Variants in PADI6 observed in about 807,000 individuals in gnomAD.
The protein encoded by PADI6 is inactive protein-arginine deiminase type-6.
Under a neutral mutation model 78.2 loss-of-function variants are expected in PADI6, and 66 were observed. That is an observed-to-expected ratio of 0.84 (90% CI 0.69 to 1.04). The LOEUF (loss-of-function observed/expected upper bound fraction) is 1.04, where lower values mean the gene tolerates loss of function less well. Among genes scored for constraint, PADI6 ranks in the 50% least tolerant of loss-of-function variants. The probability of loss-of-function intolerance (pLI) is 0.00; values close to 1 mark genes in which losing one functional copy is unlikely to be tolerated. For missense variants in PADI6, 854 were observed against 866.1 expected (o/e 0.99, Z 0.18); for synonymous variants, 397 against 346.9 (o/e 1.14, Z -1.60).
intron 14 of PADI6, among the ~76,000 whole-genome samples, chr1:17,397,884 G>A (rs923184333): frequency 2.0e-5 from 3 of 152,048 alleles, no homozygotes; most frequent in African/African-American, 4.8e-5. Context: ...TGAAGAAGCC[G>A]GCTCCTCACT....
Position 17,398,666 on chromosome 1 carries a change from A to ACCCCCCCCCCCCCC in PADI6, c.1690-17_1690-16insCCCCCCCCCCCCCC. The stretch of plus-strand genomic sequence containing the variant: ...TCCTTGCTCCCCCGCCCCCCCCCCC[A>ACCCCCCCCCCCCCC]CCCACCCACCCACCCACAGAAGTGC... On this transcript the variant is annotated intron_variant, in intron 14 of 15. Transcript: ENST00000619609. The ACCCCCCCCCCCCCC allele has an allele frequency of 1.1e-5, 1 of 91,180 alleles. No individual in the cohort carries two copies. Among genetic ancestry groups the ACCCCCCCCCCCCCC allele is most frequent in the Non-Finnish European group, 2.2e-5 (1 of 45,198 alleles). The allele number at this position is 91,180 out of a possible 1,614,324, so 5.6% of individuals were successfully genotyped here. A position where few individuals can be genotyped will look rare whatever the true frequency, so the allele number is the denominator to read the frequency against.
intron 6 of PADI6, among the ~76,000 whole-genome samples, chr1:17,383,538 C>T (rs568822914): frequency 4.6e-5 from 7 of 152,288 alleles, no homozygotes; most frequent in Admixed American, 2.6e-4. Flanking sequence ...AGCGAACTAC[C>T]GGTTTCTTTA....
At chr1:17,381,836 G>A in intron 5 of PADI6, 131 bp from the exon 6 acceptor site, 1 of 1,050,842 alleles carries the variant, frequency 9.5e-7, no homozygotes, top group South Asian at 1.4e-5. Flanking sequence ...CTTCGGGCCT[G>A]GGCCCTAGCA....
intron 8 of PADI6, among the ~76,000 whole-genome samples, chr1:17,391,649 C>T (rs2526837): frequency 0.3 from 45,345 of 151,928 alleles, 7,061 homozygotes; most frequent in Middle Eastern, 0.41. Flanking sequence ...ACCCACCCAA[C>T]GCCACACATA....
intron 14 of PADI6, among the ~76,000 whole-genome samples, chr1:17,398,181 C>G (rs1431580354): frequency 6.6e-6 from 1 of 152,192 alleles, no homozygotes; most frequent in African/African-American, 2.4e-5. Flanking sequence ...ATGTTCTATG[C>G]CCCGCACAGT....
intron 14 of PADI6, among the ~76,000 whole-genome samples, chr1:17,397,792 C>T (rs2075260985): frequency 1.3e-5 from 2 of 152,154 alleles, no homozygotes; most frequent in African/African-American, 4.8e-5. Context: ...TGAGTCTGAA[C>T]TCCCAAGTTC....
In PADI6 at chr1:17,372,205, A is replaced by AGGCTGCTGTGCTGAGTGAG; in HGVS notation, c.-34_-16dup. 6.4e-7 allele frequency: 1 copy of AGGCTGCTGTGCTGAGTGAG among 1,572,678 alleles called. No homozygotes were observed. Among genetic ancestry groups the AGGCTGCTGTGCTGAGTGAG allele is most frequent in the Non-Finnish European group, 8.8e-7 (1 of 1,142,586 alleles). The stretch of plus-strand genomic sequence containing the variant: ...GGCAGGGTGAGCCCTGGGGCGTCTG[A>AGGCTGCTGTGCTGAGTGAG]GGCTGCTGTGCTGAGTGAGGGCTGC... On this transcript the variant is annotated 5_prime_UTR_variant, in exon 1 of 16. Transcript: ENST00000619609.
chr1:17,382,130 T>C (rs1164398294), intron 6 of PADI6, 38 bp downstream of exon 6: 1 of 1,607,290 alleles, frequency 6.2e-7, no homozygotes, highest in Admixed American at 1.7e-5. Flanking sequence ...TTGCCTGCTC[T>C]CGACGTGCCA....
chr1:17,389,334 T>C (rs2100310319), intron 8 of PADI6, among the ~76,000 whole-genome samples: 1 of 152,250 alleles, frequency 6.6e-6, no homozygotes, highest in East Asian at 1.9e-4. Context: ...AATACAGTGG[T>C]GAAAGCTTTC....
chr1:17,397,374 G>A (rs12129263), intron 14 of PADI6, among the ~76,000 whole-genome samples: 57,260 of 152,016 alleles, frequency 0.38, 10,941 homozygotes, highest in African/African-American at 0.4. Flanking sequence ...GTCAAACACA[G>A]CACGATGTAC....
chr1:17,377,098 C>T (rs2075026746), intron 3 of PADI6, among the ~76,000 whole-genome samples: 1 of 152,136 alleles, frequency 6.6e-6, no homozygotes, highest in Non-Finnish European at 1.5e-5. Flanking sequence ...CCTCAATCTC[C>T]AGAGTGGCTG....
At chr1:17,399,590 C>T (rs956853335) in intron 15 of PADI6, among the ~76,000 whole-genome samples, 2 of 151,508 alleles carry the variant, frequency 1.3e-5, no homozygotes, top group Non-Finnish European at 2.9e-5. Context: ...ACTGAAACTC[C>T]GTCTCTAATA....
At chr1:17,400,953 C>T (rs2075295985) in intron 15 of PADI6, among the ~76,000 whole-genome samples, 1 of 152,200 alleles carries the variant, frequency 6.6e-6, no homozygotes, top group Non-Finnish European at 1.5e-5. Flanking sequence ...ATCCAGGTGA[C>T]AAGAGGCCAG....
rs781260456 is a variant in PADI6 at position 17,373,653 on chromosome 1, G to A, written c.294+420G>A. ...ACTACAGGCACCCACCACCATGCCC[G>A]GCTAATTTTGTATTTTTAGTATGAG... On this transcript the variant is annotated intron_variant, in intron 2 of 15. Coordinates refer to ENST00000619609, the MANE Select transcript of PADI6 (RefSeq NM_207421.4). Among the ~76,000 whole-genome samples the A allele has an allele frequency of 6.6e-4, 100 of 152,034 alleles. 2 individuals carry two copies. The highest frequency in any genetic ancestry group is 2.4e-4 in the Non-Finnish European group (16 of 67,966).
chr1:17,375,975 C>CTTTTTTTT (rs575076756), intron 3 of PADI6, among the ~76,000 whole-genome samples: 8 of 150,232 alleles, frequency 5.3e-5, no homozygotes, highest in African/African-American at 2.0e-4. Flanking sequence ...ATAACATCTA[C>CTTTTTTTT]TTTTTTTTTC....
chr1:17,393,646 T>G (rs2075215034), intron 9 of PADI6, among the ~76,000 whole-genome samples: 1 of 152,080 alleles, frequency 6.6e-6, no homozygotes, highest in Non-Finnish European at 1.5e-5. Flanking sequence ...GCTAACTTTT[T>G]GGTTTTGTTT....
At position 17,401,644 on chromosome 1, in the gene PADI6, G is replaced by C; in HGVS notation, c.*206G>C. 1.7e-6 allele frequency: 1 copy of C among 581,322 alleles called. No homozygotes were observed. The highest frequency in any genetic ancestry group is 3.1e-5 in the Admixed American group (1 of 31,912). 36.0% of individuals were successfully genotyped at this position (581,322 alleles called of 1,614,324 possible). A position where few individuals can be genotyped will look rare whatever the true frequency, so the allele number is the denominator to read the frequency against. On this transcript the variant is annotated 3_prime_UTR_variant, in exon 16 of 16. Coordinates refer to ENST00000619609, the MANE Select transcript of PADI6 (RefSeq NM_207421.4). The stretch of plus-strand genomic sequence containing the variant: ...CCCTATGGGGAAAAGATGCAAAAGT[G>C]TTCAGCCAAGTGACGTTTACTAAAT...
intron 9 of PADI6, 27 bp downstream of exon 9, chr1:17,392,252 G>GT: frequency 6.6e-7 from 1 of 1,508,978 alleles, no homozygotes; most frequent in Non-Finnish European, 9.0e-7. Flanking sequence ...GAACCCACCT[G>GT]TCGGGGAGGG....
chr1:17,395,341 T>C (rs1309800228), intron 12 of PADI6, among the ~76,000 whole-genome samples, 199 bp from the exon 13 acceptor site: 1 of 152,070 alleles, frequency 6.6e-6, no homozygotes, highest in East Asian at 1.9e-4. Context: ...GTAGCTGGAA[T>C]TACAGAAACA....
Sources: gnomAD v4.1 joint callset for allele counts (sites outside exome capture counted in the v4.1 genomes callset) on GRCh38, gnomAD v4.1.1 for gene constraint, MANE v1.5 for transcripts, NCBI Gene and HGNC (gene_info 2026-07-23, HGNC 2026-07-21) for gene names.